Variants in ADCY6 observed in about 807,000 individuals in gnomAD.
ADCY6 encodes adenylate cyclase type 6.
Under a neutral mutation model 111.6 loss-of-function variants are expected in ADCY6, and 59 were observed. That is an observed-to-expected ratio of 0.53 (90% confidence interval 0.43 to 0.66). The LOEUF (loss-of-function observed/expected upper bound fraction) is 0.66. ADCY6 is among the 30% of genes least tolerant of loss of function. The pLI is 0.00. For synonymous variants in ADCY6, 576 were observed against 642.9 expected (o/e 0.90, Z 1.57); for missense variants, 1,242 against 1,595.6 (o/e 0.78, Z 3.78).
At position 48,771,902 on chromosome 12, in the gene ADCY6, G is replaced by A. The variant is rs2137339230; in HGVS notation, c.2859C>T (p.Pro953=). Residue 953 remains proline (P), a synonymous_variant, in exon 19 of 22, where the codon CCC becomes CCT. Transcript: ENST00000357869. The surrounding 1 kb of genome is among the most constrained non-coding windows in gnomAD (Gnocchi z 4.3). ...CCAGGAAGTGGGCCGCCACGTCCTT[G>A]GGCAGAATGTTATGCAGCAGCCTCC... ...YNRRLLHNIL[P]KDVAAHFLAR... is the part of the protein sequence containing the mutation. 6.2e-7 allele frequency: 1 copy of A among 1,614,136 alleles called. No individual in the cohort carries two copies. The highest frequency in any genetic ancestry group is 8.5e-7 in the Non-Finnish European group (1 of 1,180,032).
Position 48,783,207 on chromosome 12 carries a change from T to C in ADCY6, c.228A>G (p.Pro76=). ...GCAGCCCCAGCTCCTTGCCCTTGCCTGGGCCGCCCCTCCGGATGAAGGCGT... is the reference window on the plus strand; with the variant it reads ...GCAGCCCCAGCTCCTTGCCCTTGCCCGGGCCGCCCCTCCGGATGAAGGCGT... ...QDDAFIRRGG[P]GKGKELGLRA... The change falls in exon 2 of 22, where the codon CCA becomes CCG. Residue 76 remains proline, a synonymous_variant. Transcript: ENST00000357869. 6.2e-7 allele frequency: 1 copy of C among 1,607,206 alleles called. No individual in the cohort carries two copies. Among genetic ancestry groups the C allele is most frequent in the Non-Finnish European group, 8.5e-7 (1 of 1,179,612 alleles).
In ADCY6 at chr12:48,770,828, C is replaced by T. The variant is rs753573256; in HGVS notation, c.3194G>A (p.Arg1065Gln). 19 of 1,614,190 alleles carry T rather than the reference C, an allele frequency of 1.2e-5. No homozygotes were observed. The highest frequency in any genetic ancestry group is 7.7e-5 in the South Asian group (7 of 91,076). Residue 1065 changes from arginine to glutamine, a missense_variant, in exon 20 of 22, where the codon CGG becomes CAG. Transcript: ENST00000357869. Reference protein sequence around the residue: ...HITALADYAMRLMEQMKHINE... With the variant: ...HITALADYAMQLMEQMKHINE... ...GATGTGCTTCATCTGCTCCATGAGC[C>T]GCATGGCGTAGTCAGCCAGGGCAGT...
intron 1 of ADCY6, among the ~76,000 whole-genome samples, chr12:48,785,170 T>C (rs1288454908): frequency 6.6e-6 from 1 of 152,218 alleles, no homozygotes; most frequent in African/African-American, 2.4e-5. Flanking sequence ...CTTTATGCTT[T>C]TTCTCCATAG....
At chr12:48,773,911 C>A in intron 15 of ADCY6, 29 bp downstream of exon 15, 1 of 1,610,058 alleles carries the variant, frequency 6.2e-7, no homozygotes, top group South Asian at 1.1e-5. Flanking sequence ...CAGGACAGCC[C>A]CCCCACCGCC....
In ADCY6 at chr12:48,768,499, T is replaced by C; in HGVS notation, c.*92A>G. ...TTTGTGGTTAGCAGGGTCTGGAGGC[T>C]CAGTGCCCCCTGCCACAGCTCCACC... is the stretch of plus-strand genomic sequence containing the variant. On this transcript the variant is annotated 3_prime_UTR_variant, in exon 22 of 22. Coordinates refer to ENST00000357869, the MANE Select transcript of ADCY6 (RefSeq NM_015270.5). 6.3e-7 allele frequency: 1 copy of C among 1,583,042 alleles called. No homozygotes were observed. Among genetic ancestry groups the C allele is most frequent in the Non-Finnish European group, 8.7e-7 (1 of 1,153,866 alleles).
intron 1 of ADCY6, 104 bp from the exon 2 acceptor site, chr12:48,783,542 C>A: frequency 1.3e-6 from 2 of 1,557,988 alleles, no homozygotes; most frequent in African/African-American, 1.4e-5. Flanking sequence ...TACCTAAGCA[C>A]TTCCCACTGA....
intron 15 of ADCY6, 140 bp downstream of exon 15, chr12:48,773,800 C>T: frequency 1.4e-6 from 2 of 1,439,134 alleles, no homozygotes; most frequent in Non-Finnish European, 9.5e-7. Context: ...CCCTACAACA[C>T]ACCAGGGCCC....
Position 48,770,955 on chromosome 12 carries a change from G to T in ADCY6, c.3067C>A (p.Arg1023=). 6.2e-7 allele frequency: 1 copy of T among 1,614,000 alleles called. No individual in the cohort carries two copies. Among genetic ancestry groups the T allele is most frequent in the Non-Finnish European group, 8.5e-7 (1 of 1,180,000 alleles). ...ADFDEIISEE[R]FRQLEKIKTI... is the part of the protein sequence containing the mutation. The stretch of plus-strand genomic sequence containing the variant: ...TTGATCTTTTCCAGCTGCCGGAACC[G>T]CTCCTCGCTGATAATCTGAACAACA... Residue 1023 remains arginine (R), a synonymous_variant, in exon 20 of 22, where the codon CGG becomes AGG. Coordinates refer to ENST00000357869, the MANE Select transcript of ADCY6 (RefSeq NM_015270.5).
rs1941861190 is a variant in ADCY6 at position 48,782,217 on chromosome 12, C to T, written c.864+354G>A. Among the ~76,000 whole-genome samples the T allele has an allele frequency of 6.6e-6, 1 of 152,148 alleles. No individual in the cohort carries two copies. The highest frequency in any genetic ancestry group is 1.5e-5 in the Non-Finnish European group (1 of 68,012). ...CACTGCCTTTTCAGCCCCACGGTGG[C>T]CCTGGGGCTATATACCACACCCCTG... On this transcript the variant is annotated intron_variant, in intron 2 of 21. Coordinates refer to ENST00000357869, the MANE Select transcript of ADCY6 (RefSeq NM_015270.5). This position sits in a 1 kb window ranked among gnomAD's most constrained non-coding sequence, Gnocchi z 4.3.
chr12:48,781,802 G>A (rs934732364), intron 2 of ADCY6, among the ~76,000 whole-genome samples: 6 of 152,176 alleles, frequency 3.9e-5, no homozygotes, highest in South Asian at 2.1e-4. Flanking sequence ...CACTCCACAC[G>A]GAGCCGTGGA....
At chr12:48,775,614 T>TC (rs1941676005) in intron 10 of ADCY6, 59 bp downstream of exon 10, 2 of 1,591,496 alleles carry the variant, frequency 1.3e-6, no homozygotes, top group African/African-American at 1.3e-5. Flanking sequence ...GGATCTCGGC[T>TC]CCCCCCAGCC....
At chr12:48,779,376 C>T (rs11609140) in intron 2 of ADCY6, among the ~76,000 whole-genome samples, 2 of 152,180 alleles carry the variant, frequency 1.3e-5, no homozygotes, top group Non-Finnish European at 2.9e-5. Flanking sequence ...CTATCTACTG[C>T]ATTCCATACT....
intron 16 of ADCY6, among the ~76,000 whole-genome samples, chr12:48,773,234 G>A (rs1414247914): frequency 3.3e-5 from 5 of 152,034 alleles, no homozygotes; most frequent in African/African-American, 1.2e-4. Flanking sequence ...ATGTAAGAGG[G>A]AATTTTTTTT....
At position 48,783,391 on chromosome 12, in the gene ADCY6, C is replaced by T; in HGVS notation, c.44G>A (p.Arg15Gln). 2.0e-5 allele frequency: 33 copies of T among 1,614,246 alleles called. No individual in the cohort carries two copies. The highest frequency in any genetic ancestry group is 1.6e-4 in the Middle Eastern group (1 of 6,062). Reference protein sequence around the residue: ...SGLLVPKVDERKTAWGERNGQ... With the variant: ...SGLLVPKVDEQKTAWGERNGQ... Reference sequence around the variant, plus strand: ...ATTGCGTTCACCCCAGGCTGTTTTCCGTTCATCCACTTTAGGGACCAGGAG... The same window carrying T: ...ATTGCGTTCACCCCAGGCTGTTTTCTGTTCATCCACTTTAGGGACCAGGAG... The change falls in exon 2 of 22, where the codon CGG becomes CAG. Residue 15 changes from arginine to glutamine, a missense_variant. This residue lies in a region of ADCY6 where 362 missense variants were observed against 377.2 expected (regional missense o/e 0.96). Transcript: ENST00000357869.
intron 2 of ADCY6, among the ~76,000 whole-genome samples, chr12:48,779,716 C>T (rs973764599): frequency 8.5e-5 from 13 of 152,186 alleles, no homozygotes; most frequent in African/African-American, 2.7e-4. Flanking sequence ...TGCGGCTCCA[C>T]CCCAGAGTTG....
chr12:48,769,001 A>ATAC lies in ADCY6; in HGVS notation c.3316_3317insGTA (p.Asp1105_Ile1106insSer). The ATAC allele has an allele frequency of 6.2e-7, 1 of 1,613,916 alleles. No individual in the cohort carries two copies. The highest frequency in any genetic ancestry group is 8.5e-7 in the Non-Finnish European group (1 of 1,179,936). On this transcript the variant is annotated inframe_insertion, in exon 21 of 22. Transcript: ENST00000357869. ...AGAGACATTCACTGTGTTCCCCCAG[A>ATAC]TGTCATACTGTGGCTTCCGAGCCCC...
In ADCY6 at chr12:48,783,401, C is replaced by G; in HGVS notation, c.34G>C (p.Val12Leu). The change falls in exon 2 of 22, where the codon GTG becomes CTG. Residue 12 changes from valine (V) to leucine (L), a missense_variant. Around this residue, in one of 4 missense-constraint regions of ADCY6, gnomAD observed 362 missense variants for 377.2 expected, o/e 0.96. Transcript: ENST00000357869. The part of the protein sequence containing the change: ...SWFSGLLVPK[V>L]DERKTAWGER... ...CCCCAGGCTGTTTTCCGTTCATCCA[C>G]TTTAGGGACCAGGAGGCCACTAAAC... is the stretch of plus-strand genomic sequence containing the variant. The G allele has an allele frequency of 1.9e-6, 3 of 1,614,240 alleles. No homozygotes were observed. Among genetic ancestry groups the G allele is most frequent in the Non-Finnish European group, 2.5e-6 (3 of 1,180,048 alleles).
Position 48,774,968 on chromosome 12 carries a change from G to T in ADCY6, c.2067C>A (p.Leu689=), listed in dbSNP as rs374848715. 1 of 1,555,498 alleles carries T rather than the reference G, an allele frequency of 6.4e-7. No homozygotes were observed. The highest frequency in any genetic ancestry group is 8.7e-7 in the Non-Finnish European group (1 of 1,149,076). ...GGCAGGGCTCTCACTGTGGGAAGAT[G>T]AGAAGCTGGATGAAGCAGATGAAGC... The part of the protein sequence containing the change: ...VFCFICFIQL[L]IFPHSTLMLG... Residue 689 remains leucine (L), a synonymous_variant, in exon 12 of 22, where the codon CTC becomes CTA. Coordinates refer to ENST00000357869, the MANE Select transcript of ADCY6 (RefSeq NM_015270.5).
At position 48,775,296 on chromosome 12, in the gene ADCY6, C is replaced by T. The variant is rs1487730173; in HGVS notation, c.1980+7G>A. 2.5e-6 allele frequency: 4 copies of T among 1,613,882 alleles called. No homozygotes were observed. The highest frequency in any genetic ancestry group is 2.7e-5 in the African/African-American group (2 of 74,998). On this transcript the variant is annotated splice_region_variant and intron_variant, in intron 11 of 21. Coordinates refer to ENST00000357869, the MANE Select transcript of ADCY6 (RefSeq NM_015270.5). ...GCCCTTGTCCTTCTGCCCTGTATCC[C>T]TCAAACCTTCTTCTCAAGATCCTCT...
Sources: allele counts gnomAD v4.1 joint callset (sites outside exome capture counted in the v4.1 genomes callset), GRCh38; gene constraint gnomAD v4.1.1; regional missense constraint gnomAD v4.1.1; non-coding constraint Gnocchi (gnomAD v3.1); transcripts MANE v1.5; gene names NCBI Gene and HGNC (gene_info 2026-07-23, HGNC 2026-07-21).